RSPH6A: variants seen among roughly 807,000 people sequenced by gnomAD.
RSPH6A encodes the protein radial spoke head 6 homolog A.
In RSPH6A, 49 loss-of-function variants were observed where a neutral mutation model predicts 66.1. That is an observed-to-expected ratio of 0.74 (90% CI 0.59 to 0.94). The LOEUF is 0.94. RSPH6A is among the 40% of genes least tolerant of loss of function. The probability of loss-of-function intolerance (pLI) is 0.00; values close to 1 mark genes in which losing one functional copy is unlikely to be tolerated. For synonymous variants in RSPH6A, 419 were observed against 402.4 expected, an observed-to-expected ratio of 1.04 and a Z score of -0.49; for missense variants, 977 against 948.3, an observed-to-expected ratio of 1.03 and a Z score of -0.40.
In RSPH6A at chr19:45,802,122, G is replaced by A. The variant is rs754368616; in HGVS notation, c.1796C>T (p.Ala599Val). The A allele has an allele frequency of 6.6e-6, 10 of 1,526,060 alleles. No homozygotes were observed. In the South Asian group the frequency reaches 1.0e-4, roughly 15 times the overall value. The allele number at this position is 1,526,060 out of a possible 1,614,324, so 94.5% of individuals were successfully genotyped here. A position where few individuals can be genotyped will look rare whatever the true frequency, so the allele number is the denominator to read the frequency against. ...PPLLTPLSEDAEIMHLAPWTT... is the reference protein window; with the variant it reads ...PPLLTPLSEDVEIMHLAPWTT... ...ACAGGCTGAGAGGGCTTCCTTACCT[G>A]CATCTTCTGAAAGTGGCGTTAGCAG... Residue 599 changes from alanine (A) to valine (V), a missense_variant and splice_region_variant, in exon 4 of 6, where the codon GCA becomes GTA. Ala to Val is a moderately conservative substitution (Grantham distance 64, BLOSUM62 0). Transcript: ENST00000221538.
intron 2 of RSPH6A, among the ~76,000 whole-genome samples, chr19:45,806,051 G>A (rs1172780722): frequency 6.6e-6 from 1 of 152,184 alleles, no homozygotes; most frequent in Non-Finnish European, 1.5e-5. Flanking sequence ...TCTTGCTCCT[G>A]TAACAAAGAA....
chr19:45,795,920 C>T lies in RSPH6A; in HGVS notation c.2103G>A (p.Glu701=), dbSNP rs61730714. The T allele has an allele frequency of 5.8e-3, 9,429 of 1,613,748 alleles. 444 individuals are homozygous for T. The African/African-American group carries it at 0.11, about 18-fold the overall frequency. ...AAQEQALGAT[E]EEEEGEEEEE... is the part of the protein sequence containing the mutation. Reference sequence around the variant, plus strand: ...CCTCCTCCTCGCCCTCCTCCTCCTCCTCTGTGGCTCCCAGGGCTTGTTCCT... The same window carrying T: ...CCTCCTCCTCGCCCTCCTCCTCCTCTTCTGTGGCTCCCAGGGCTTGTTCCT... Residue 701 remains glutamate, a synonymous_variant, in exon 6 of 6, where the codon GAG becomes GAA. Transcript: ENST00000221538.
At chr19:45,801,793 C>CCACACA (rs35295101) in intron 4 of RSPH6A, among the ~76,000 whole-genome samples, 12 of 149,604 alleles carry the variant, frequency 8.0e-5, no homozygotes, top group South Asian at 6.3e-4. Context: ...ACCACCACCA[C>CCACACA]CACACACACA....
rs759434603 is a variant in RSPH6A at position 45,804,367 on chromosome 19, C to A, written c.1538G>T (p.Gly513Val). 1 of 1,614,238 alleles carries A rather than the reference C, an allele frequency of 6.2e-7. No homozygotes were observed. Among genetic ancestry groups the A allele is most frequent in the Non-Finnish European group, 8.5e-7 (1 of 1,180,042 alleles). Residue 513 changes from glycine to valine, a missense_variant, in exon 3 of 6, where the codon GGT becomes GTT. By Grantham distance (109) the Gly-to-Val change is moderately radical (BLOSUM62 -3). Coordinates refer to ENST00000221538, the MANE Select transcript of RSPH6A (RefSeq NM_030785.4). The surrounding 1 kb of genome is among the most constrained non-coding windows in gnomAD (Gnocchi z 5.8). ...CTCGTAGGAGTCGCGCCCAGCACCA[C>A]CTTCCTCCTCCTCGTCGCCCTCCTC... The part of the protein sequence containing the change: ...SEEEGDEEEE[G>V]GAGRDSYEEN...
chr19:45,814,815 T>C lies in RSPH6A; in HGVS notation c.362A>G (p.Gln121Arg). 2.5e-6 allele frequency: 4 copies of C among 1,614,016 alleles called. No individual in the cohort carries two copies. Among genetic ancestry groups the C allele is most frequent in the Non-Finnish European group, 3.4e-6 (4 of 1,179,916 alleles). ...VAELTTSLML[Q>R]RLQQGQSSLF... ...GCTGCTTTGGCCCTGCTGGAGCCGCTGCAGCATTAGGCTGGTGGTGAGCTC... is the reference window on the plus strand; with the variant it reads ...GCTGCTTTGGCCCTGCTGGAGCCGCCGCAGCATTAGGCTGGTGGTGAGCTC... Residue 121 changes from glutamine to arginine, a missense_variant, in exon 1 of 6, where the codon CAG becomes CGG. Coordinates refer to ENST00000221538, the MANE Select transcript of RSPH6A (RefSeq NM_030785.4).
chr19:45,801,784 C>A (rs943507588), intron 4 of RSPH6A, among the ~76,000 whole-genome samples: 110 of 138,052 alleles, frequency 8.0e-4, no homozygotes, highest in Admixed American at 1.5e-3. Context: ...GACAACAACA[C>A]CACCACCACC....
Position 45,810,707 on chromosome 19 carries a change from C to T in RSPH6A, c.784G>A (p.Asp262Asn), listed in dbSNP as rs765728382. The T allele has an allele frequency of 4.3e-6, 7 of 1,613,948 alleles. No homozygotes were observed. The African/African-American group carries it at 5.3e-5, about 12-fold the overall frequency. The change falls in exon 2 of 6, where the codon GAC (aspartate) becomes AAC (asparagine). Residue 262 changes from aspartate to asparagine, a missense_variant. Coordinates refer to ENST00000221538, the MANE Select transcript of RSPH6A (RefSeq NM_030785.4). ...FHPKLDTLRDDPEMQPTYKMA... is the reference protein window; with the variant it reads ...FHPKLDTLRDNPEMQPTYKMA... ...TTGTAGGTGGGCTGCATCTCGGGGT[C>T]GTCCCGCAGCGTGTCCAGCTTGGGG...
At chr19:45,810,466 T>C (rs1970608890) in intron 2 of RSPH6A, 137 bp downstream of exon 2, 2 of 841,566 alleles carry the variant, frequency 2.4e-6, no homozygotes, top group East Asian at 2.4e-5. Context: ...CACCCCATCC[T>C]GCCAAGACTG....
At chr19:45,796,342 T>C (rs147949892) in intron 5 of RSPH6A, among the ~76,000 whole-genome samples, 5,898 of 146,950 alleles carry the variant, frequency 0.04, 372 homozygotes, top group African/African-American at 0.14. Context: ...TTGGTAGAGA[T>C]GGGGTTTCAC....
At chr19:45,799,545 T>A (rs986265463) in intron 5 of RSPH6A, among the ~76,000 whole-genome samples, 4 of 151,518 alleles carry the variant, frequency 2.6e-5, no homozygotes, top group African/African-American at 4.9e-5. Context: ...AAAATTTTTT[T>A]AATTTTTTTT....
Position 45,814,649 on chromosome 19 carries a change from C to T in RSPH6A, c.528G>A (p.Leu176=). 2 of 1,609,346 alleles carry T rather than the reference C, an allele frequency of 1.2e-6. No homozygotes were observed. The highest frequency in any genetic ancestry group is 1.7e-6 in the Non-Finnish European group (2 of 1,177,530). ...AGTGTGGGAAGCCCAGCTCAGAGGG[C>T]AAGAACTGAAGGGCAGGGTCATCCC... ...YIRDDPALQF[L]PSELGFPHYS... The change falls in exon 1 of 6, where the codon TTG becomes TTA. Residue 176 remains leucine, a synonymous_variant. Transcript: ENST00000221538.
intron 2 of RSPH6A, among the ~76,000 whole-genome samples, chr19:45,809,080 C>G (rs1182587798): frequency 6.8e-6 from 1 of 146,664 alleles, no homozygotes; most frequent in Non-Finnish European, 1.5e-5. Flanking sequence ...CAGCTCACTG[C>G]AAGCTCCGCC....
At chr19:45,805,083 C>CA in intron 2 of RSPH6A, 67 bp from the exon 3 acceptor site, 1 of 1,379,396 alleles carries the variant, frequency 7.2e-7, no homozygotes, top group South Asian at 1.3e-5. Flanking sequence ...CTACCTCTTC[C>CA]AGACTCTTCT....
At chr19:45,803,405 G>A (rs1385834146) in intron 3 of RSPH6A, among the ~76,000 whole-genome samples, 1 of 151,410 alleles carries the variant, frequency 6.6e-6, no homozygotes, top group Non-Finnish European at 1.5e-5. Flanking sequence ...AGCTGGGCAT[G>A]GTGGCTCATG....
At chr19:45,802,600 G>A (rs1440628270) in intron 3 of RSPH6A, among the ~76,000 whole-genome samples, 4 of 147,796 alleles carry the variant, frequency 2.7e-5, no homozygotes, top group East Asian at 2.0e-4. Context: ...TCTGCCTCCC[G>A]GTTTAAGTGA....
intron 2 of RSPH6A, among the ~76,000 whole-genome samples, chr19:45,806,079 T>G (rs1243150984): frequency 6.6e-6 from 1 of 152,164 alleles, no homozygotes; most frequent in Non-Finnish European, 1.5e-5. Flanking sequence ...TTATTCATGA[T>G]TTCTGTGACT....
chr19:45,814,667 G>T lies in RSPH6A; in HGVS notation c.510C>A (p.Asp170Glu). Residue 170 changes from aspartate to glutamate, a missense_variant, in exon 1 of 6, where the codon GAC (aspartate) becomes GAA (glutamate). By Grantham distance (45) the Asp-to-Glu change is conservative (BLOSUM62 2). Transcript: ENST00000221538. ...CAGAGGGCAAGAACTGAAGGGCAGG[G>T]TCATCCCTTATGTAAGGCCCGTGCT... ...GAQHGPYIRD[D>E]PALQFLPSEL... 6.2e-7 allele frequency: 1 copy of T among 1,611,398 alleles called. No homozygotes were observed. Among genetic ancestry groups the T allele is most frequent in the Non-Finnish European group, 8.5e-7 (1 of 1,178,558 alleles).
Position 45,804,725 on chromosome 19 carries a change from C to T in RSPH6A, c.1180G>A (p.Glu394Lys). 1 of 1,613,542 alleles carries T rather than the reference C, an allele frequency of 6.2e-7. No homozygotes were observed. Among genetic ancestry groups the T allele is most frequent in the Non-Finnish European group, 8.5e-7 (1 of 1,179,788 alleles). Residue 394 changes from glutamate (E) to lysine (K), a missense_variant, in exon 3 of 6, where the codon GAG (glutamate) becomes AAG (lysine). Coordinates refer to ENST00000221538, the MANE Select transcript of RSPH6A (RefSeq NM_030785.4). The surrounding 1 kb of genome is among the most constrained non-coding windows in gnomAD (Gnocchi z 5.8). The part of the protein sequence containing the change: ...MEAHGEEEGE[E>K]DEEKAVDIVP... ...ATGTCCACGGCCTTCTCCTCGTCCT[C>T]CTCGCCCTCCTCCTCGCCGTGCGCC...
Position 45,796,030 on chromosome 19 carries a change from T to G in RSPH6A, c.1993A>C (p.Ile665Leu), listed in dbSNP as rs753513198. 1.2e-5 allele frequency: 19 copies of G among 1,613,484 alleles called. No homozygotes were observed. Among genetic ancestry groups the G allele is most frequent in the Admixed American group, 1.7e-5 (1 of 59,944 alleles). The change falls in exon 6 of 6, where the codon ATT becomes CTT. Residue 665 changes from isoleucine (I) to leucine (L), a missense_variant. Transcript: ENST00000221538. The stretch of plus-strand genomic sequence containing the variant: ...GGGCCACTGGGGTACTCTTGTTGAA[T>G]GGGGGCTGGCAGGGCCGGGTTGAAG... ...ESFNPALPAP[I>L]QQEYPSGPEI... is the part of the protein sequence containing the mutation.
Sources: gnomAD v4.1 joint callset for allele counts (sites outside exome capture counted in the v4.1 genomes callset) on GRCh38, gnomAD v4.1.1 for gene constraint, Gnocchi (gnomAD v3.1) non-coding constraint, MANE v1.5 for transcripts, NCBI Gene and HGNC (gene_info 2026-07-23, HGNC 2026-07-21) for gene names.